The following WWC2 variants were observed in gnomAD, a reference collection of about 807,000 sequenced individuals.
The protein encoded by WWC2 is WW and C2 domain containing 2.
WWC2 carries 101 observed loss-of-function variants against 138.5 expected under a neutral mutation model. The ratio of observed to expected loss-of-function variants is 0.73; its 90% CI spans 0.62 to 0.86. The LOEUF is 0.86. WWC2 is among the 40% of genes least tolerant of loss of function. WWC2 has a pLI of 0.00. For missense variants in WWC2, 1,420 were observed against 1,419.4 expected, an observed-to-expected ratio of 1.00 and a Z score of -0.01; for synonymous variants, 558 against 538.4, an observed-to-expected ratio of 1.04 and a Z score of -0.50.
chr4:183,142,798 G>A (rs1298834181), intron 1 of WWC2, among the ~76,000 whole-genome samples: 2 of 152,206 alleles, frequency 1.3e-5, no homozygotes, highest in Non-Finnish European at 2.9e-5. Context: ...GCAGGCTAAT[G>A]TTACCCAAGG....
chr4:183,299,782 A>G (rs1738766009), intron 21 of WWC2, among the ~76,000 whole-genome samples: 1 of 151,924 alleles, frequency 6.6e-6, no homozygotes, highest in South Asian at 2.1e-4. Flanking sequence ...GGTATTGGGG[A>G]TTTGTGAGGT....
chr4:183,232,278 C>G (rs1029122247), intron 4 of WWC2, among the ~76,000 whole-genome samples: 1 of 152,042 alleles, frequency 6.6e-6, no homozygotes, highest in African/African-American at 2.4e-5. Flanking sequence ...TATTAAGAAA[C>G]CATACAATTC....
chr4:183,220,839 GAA>G (rs796202588), intron 4 of WWC2, among the ~76,000 whole-genome samples: 2 of 79,848 alleles, frequency 2.5e-5, no homozygotes, highest in Admixed American at 1.3e-4. Flanking sequence ...GTCTCAAAAA[GAA>G]AAAAAAAAAA....
intron 1 of WWC2, among the ~76,000 whole-genome samples, chr4:183,108,153 A>C (rs1732103249): frequency 6.6e-6 from 1 of 152,088 alleles, no homozygotes; most frequent in African/African-American, 2.4e-5. Flanking sequence ...TTTTCCTTTT[A>C]GCTCGTTATA....
At chr4:183,243,612 G>GT (rs1412130499) in intron 5 of WWC2, among the ~76,000 whole-genome samples, 2 of 152,098 alleles carry the variant, frequency 1.3e-5, no homozygotes, top group African/African-American at 4.8e-5. Flanking sequence ...TTTTAGGATA[G>GT]TTCCCCTACT....
At chr4:183,256,891 C>A (rs1168383434) in intron 9 of WWC2, among the ~76,000 whole-genome samples, 2 of 20,872 alleles carry the variant, frequency 9.6e-5, no homozygotes, top group Admixed American at 2.4e-4. Flanking sequence ...ACAGCCCCCC[C>A]CCCCCCCCCC....
chr4:183,185,725 G>T (rs989718239), intron 1 of WWC2, among the ~76,000 whole-genome samples: 1 of 152,106 alleles, frequency 6.6e-6, no homozygotes. Flanking sequence ...GTTGACTGGA[G>T]AGATGTGTGT....
rs143040914 is a variant in WWC2, at chr4:183,261,336, T to G, written c.1713T>G (p.Ser571=). The G allele has an allele frequency of 6.2e-6, 10 of 1,613,458 alleles. No homozygotes were observed. The highest frequency in any genetic ancestry group is 2.2e-5 in the East Asian group (1 of 44,868). The part of the protein sequence containing the change: ...PLVLEGTFPM[S]SSHDASLHQF... Reference sequence around the variant, plus strand: ...TTTTGGAAGGCACGTTTCCCATGTCTTCTTCTCATGATGCCTCTCTCCATC... The same window carrying G: ...TTTTGGAAGGCACGTTTCCCATGTCGTCTTCTCATGATGCCTCTCTCCATC... Residue 571 remains serine (S), a synonymous_variant, in exon 11 of 23, where the codon TCT becomes TCG. Transcript: ENST00000403733.
At chr4:183,245,675 G>C in intron 6 of WWC2, 130 bp downstream of exon 6, 1 of 1,076,298 alleles carries the variant, frequency 9.3e-7, no homozygotes, top group Non-Finnish European at 1.3e-6. Context: ...TGCAGAATGG[G>C]CCCTGTGGAG....
intron 1 of WWC2, among the ~76,000 whole-genome samples, chr4:183,176,792 C>T (rs1160107839): frequency 1.3e-5 from 2 of 151,934 alleles, no homozygotes; most frequent in African/African-American, 4.8e-5. Context: ...CTTACTCTCA[C>T]AGGGGAAGAG....
intron 1 of WWC2, 37 bp downstream of exon 1, chr4:183,099,659 C>T (rs2152884805): frequency 8.0e-7 from 1 of 1,253,984 alleles, no homozygotes. Context: ...CCCGTTCGGA[C>T]ACGGCGGCTG....
At chr4:183,156,755 T>C (rs1733817403) in intron 1 of WWC2, among the ~76,000 whole-genome samples, 1 of 152,230 alleles carries the variant, frequency 6.6e-6, no homozygotes, top group African/African-American at 2.4e-5. Context: ...TTTTGCTCTT[T>C]TTTCTTATTT....
chr4:183,219,433 G>A (rs1393553112), intron 4 of WWC2, among the ~76,000 whole-genome samples: 1 of 152,044 alleles, frequency 6.6e-6, no homozygotes, highest in African/African-American at 2.4e-5. Context: ...CAAGCAGAGG[G>A]AAAATGATAC....
At chr4:183,175,412 C>T (rs973621599) in intron 1 of WWC2, among the ~76,000 whole-genome samples, 6 of 152,078 alleles carry the variant, frequency 3.9e-5, no homozygotes, top group Non-Finnish European at 5.9e-5. Flanking sequence ...CAGGCACACG[C>T]CACCACACCC....
chr4:183,181,864 A>T (rs1004940978), intron 1 of WWC2, among the ~76,000 whole-genome samples: 4 of 152,202 alleles, frequency 2.6e-5, no homozygotes, highest in Non-Finnish European at 5.9e-5. Flanking sequence ...AAGTGAAGCA[A>T]GGACTTTAAT....
chr4:183,273,151 G>A (rs1220861664), intron 16 of WWC2, among the ~76,000 whole-genome samples: 1 of 151,718 alleles, frequency 6.6e-6, no homozygotes, highest in African/African-American at 2.4e-5. Flanking sequence ...GTGAAGTGGT[G>A]TTTTCACTGT....
At chr4:183,170,846 ATTTTT>A (rs10583073) in intron 1 of WWC2, among the ~76,000 whole-genome samples, 1 of 147,978 alleles carries the variant, frequency 6.8e-6, no homozygotes. Context: ...TAGCTAATTA[ATTTTT>A]TTTTTTTTTT....
intron 1 of WWC2, among the ~76,000 whole-genome samples, chr4:183,127,602 A>G (rs1188309409): frequency 1.3e-5 from 2 of 152,170 alleles, no homozygotes; most frequent in Admixed American, 6.6e-5. Context: ...ATAGTGCATT[A>G]TATTTGGGAT....
chr4:183,150,311 C>G (rs540857023), intron 1 of WWC2, among the ~76,000 whole-genome samples: 5 of 152,214 alleles, frequency 3.3e-5, no homozygotes, highest in African/African-American at 1.2e-4. Flanking sequence ...TAAGAGATTT[C>G]AATAGGTGAA....
Sources: allele counts gnomAD v4.1 joint callset (sites outside exome capture counted in the v4.1 genomes callset), GRCh38; gene constraint gnomAD v4.1.1; transcripts MANE v1.5; gene names NCBI Gene and HGNC (gene_info 2026-07-23, HGNC 2026-07-21).